ADGRL2: variants seen among roughly 807,000 people sequenced by gnomAD.
ADGRL2 encodes calcium-independent alpha-latrotoxin receptor 2.
A neutral mutation model predicts 157.4 loss-of-function variants in ADGRL2; 44 were observed. The observed-to-expected ratio is 0.28, with a 90% CI of 0.22 to 0.36. The LOEUF (loss-of-function observed/expected upper bound fraction) is 0.36. ADGRL2 is among the 10% of genes least tolerant of loss of function. The pLI, the probability that ADGRL2 is intolerant of heterozygous loss-of-function variation, is 1.00. For missense variants in ADGRL2, 1,510 were observed against 1,768.9 expected (o/e 0.85, Z 2.63); for synonymous variants, 585 against 624.7 (o/e 0.94, Z 0.95).
chr1:81,720,172 T>G (rs1320024662), intron 1 of ADGRL2, among the ~76,000 whole-genome samples: 1 of 146,128 alleles, frequency 6.8e-6, no homozygotes, highest in Non-Finnish European at 1.5e-5. Flanking sequence ...AAAGCATTCC[T>G]TTTTTTCTTT....
chr1:81,710,113 C>T (rs1009782907), intron 1 of ADGRL2, among the ~76,000 whole-genome samples: 1 of 152,110 alleles, frequency 6.6e-6, no homozygotes, highest in African/African-American at 2.4e-5. Context: ...TCACATATTG[C>T]ATATCAAGAT....
chr1:81,900,670 T>G lies in ADGRL2; in HGVS notation c.74-6347T>G, dbSNP rs17107455. Among the ~76,000 whole-genome samples, 850 of 152,320 alleles carry G rather than the reference T, an allele frequency of 5.6e-3. 7 individuals carry two copies. Among genetic ancestry groups the G allele is most frequent in the African/African-American group, 0.019 (784 of 41,576 alleles). On this transcript the variant is annotated intron_variant, in intron 2 of 23. Coordinates refer to ENST00000686636, the MANE Select transcript of ADGRL2 (RefSeq NM_001366006.2). ...AAACCATAAACTTTCTGTGCATTCTTAACTAACTGGGAAGCTAAACACATG... is the reference window on the plus strand; with the variant it reads ...AAACCATAAACTTTCTGTGCATTCTGAACTAACTGGGAAGCTAAACACATG...
intron 1 of ADGRL2, among the ~76,000 whole-genome samples, chr1:81,745,908 C>T (rs1251047092): frequency 3.9e-5 from 6 of 151,930 alleles, no homozygotes; most frequent in African/African-American, 9.7e-5. Context: ...TAAAATGACT[C>T]GAGGCCAAAA....
At chr1:81,540,597 T>C (rs986369563) in intron 2 of ADGRL2, among the ~76,000 whole-genome samples, 2 of 152,116 alleles carry the variant, frequency 1.3e-5, no homozygotes, top group Non-Finnish European at 2.9e-5. Flanking sequence ...GTGCACATTG[T>C]GGGACTAGAA....
chr1:81,622,444 G>A (rs1237499202), intron 3 of ADGRL2, among the ~76,000 whole-genome samples: 2 of 152,130 alleles, frequency 1.3e-5, no homozygotes, highest in Non-Finnish European at 2.9e-5. Context: ...AGCTGGGCGT[G>A]GTGGCACACG....
intron 3 of ADGRL2, among the ~76,000 whole-genome samples, chr1:81,690,434 T>C (rs2083309293): frequency 6.6e-6 from 1 of 151,886 alleles, no homozygotes; most frequent in Admixed American, 6.6e-5. Context: ...AGGTGGAGAT[T>C]GCGGTGAGCC....
chr1:81,327,140 C>T (rs1444274641), intron 1 of ADGRL2, among the ~76,000 whole-genome samples: 1 of 151,930 alleles, frequency 6.6e-6, no homozygotes, highest in Non-Finnish European at 1.5e-5. Context: ...TGAGAGTCTC[C>T]GGTGGCAACA....
Position 81,661,082 on chromosome 1 carries a change from C to A in ADGRL2, c.-143+80102C>A, listed in dbSNP as rs1236916954. Among the ~76,000 whole-genome samples the A allele has an allele frequency of 7.2e-5, 11 of 152,096 alleles. 1 individual carries two copies. Among genetic ancestry groups the A allele is most frequent in the Non-Finnish European group, 2.9e-5 (2 of 67,972 alleles). On this transcript the variant is annotated intron_variant, in intron 3 of 24. Coordinates refer to the ADGRL2 transcript ENST00000370721. Reference sequence around the variant, plus strand: ...TACTATGTTTAATTCTATGCTAAGACTTTTTACACCAGCTCCTCTTTTACT... The same window carrying A: ...TACTATGTTTAATTCTATGCTAAGAATTTTTACACCAGCTCCTCTTTTACT...
chr1:81,987,512 CT>C, intron 22 of ADGRL2: 1 of 619,088 alleles, frequency 1.6e-6, no homozygotes, highest in South Asian at 1.9e-5. Flanking sequence ...TGGTAGTTTT[CT>C]TTTTTCTTAA....
chr1:81,908,815 G>A (rs141583223), intron 3 of ADGRL2, among the ~76,000 whole-genome samples: 1 of 151,420 alleles, frequency 6.6e-6, no homozygotes, highest in East Asian at 1.9e-4. Context: ...GACATGAAAT[G>A]TTTAACATTT....
intron 1 of ADGRL2, among the ~76,000 whole-genome samples, chr1:81,431,281 G>A (rs1289943184): frequency 6.6e-6 from 1 of 152,042 alleles, no homozygotes; most frequent in Non-Finnish European, 1.5e-5. Context: ...TATTTTCAAG[G>A]GAATTGACTA....
At chr1:81,518,214 C>T (rs954810246) in intron 2 of ADGRL2, among the ~76,000 whole-genome samples, 2 of 152,228 alleles carry the variant, frequency 1.3e-5, no homozygotes, top group African/African-American at 4.8e-5. Context: ...AGGCTGTTAG[C>T]AAATATTAGA....
intron 1 of ADGRL2, among the ~76,000 whole-genome samples, chr1:81,435,277 A>T (rs867928908): frequency 1.3e-5 from 2 of 152,232 alleles, no homozygotes; most frequent in Non-Finnish European, 2.9e-5. Flanking sequence ...ACTAAGTTTT[A>T]ACAACCATGT....
intron 1 of ADGRL2, among the ~76,000 whole-genome samples, chr1:81,836,006 G>A (rs955008695): frequency 2.0e-5 from 3 of 152,216 alleles, no homozygotes; most frequent in African/African-American, 4.8e-5. Flanking sequence ...CATGAAGCAT[G>A]TAGTAAATGC....
chr1:81,506,322 T>G (rs927451546), intron 2 of ADGRL2: 2 of 152,240 alleles, frequency 1.3e-5, no homozygotes, highest in African/African-American at 4.8e-5. Flanking sequence ...AAATGTGTCC[T>G]GAAGAATGCT....
chr1:81,478,139 C>T (rs191224942), intron 2 of ADGRL2, among the ~76,000 whole-genome samples: 15 of 152,132 alleles, frequency 9.9e-5, no homozygotes, highest in African/African-American at 3.1e-4. Context: ...TTGCATCCTG[C>T]GATAATTATT....
intron 2 of ADGRL2, among the ~76,000 whole-genome samples, chr1:81,871,086 TCCCCCCA>T (rs1313106609): frequency 1.6e-5 from 1 of 63,900 alleles, no homozygotes; most frequent in Non-Finnish European, 2.9e-5. Flanking sequence ...CCCTCCCCCC[TCCCCCCA>T]CCCCCAACAG....
At chr1:81,317,165 A>G (rs1014526172) in intron 1 of ADGRL2, among the ~76,000 whole-genome samples, 1 of 152,130 alleles carries the variant, frequency 6.6e-6, no homozygotes, top group Non-Finnish European at 1.5e-5. Flanking sequence ...GCTGCCAAAC[A>G]TTCTAGAATA....
Position 81,966,558 on chromosome 1 carries a change from C to T in ADGRL2, c.2298C>T (p.Ser766=), listed in dbSNP as rs150187776. 1.2e-3 allele frequency: 1,926 copies of T among 1,613,908 alleles called. 4 individuals carry two copies. Among genetic ancestry groups the T allele is most frequent in the Non-Finnish European group, 1.5e-3 (1,745 of 1,179,972 alleles). ...TTTCAGTTTCAATCAATAAAGAGTC[C>T]AGCCGAGTATACCTGACTGATCCTG... The part of the protein sequence containing the change: ...HVISVSINKE[S]SRVYLTDPVL... Residue 766 remains serine, a synonymous_variant, in exon 13 of 24, where the codon TCC becomes TCT. Transcript: ENST00000686636.
Sources: gnomAD v4.1 joint callset for allele counts (sites outside exome capture counted in the v4.1 genomes callset) on GRCh38, gnomAD v4.1.1 for gene constraint, MANE v1.5 for transcripts, NCBI Gene and HGNC (gene_info 2026-07-23, HGNC 2026-07-21) for gene names.